IL1RAPL1: variants seen among roughly 807,000 people sequenced by gnomAD.
IL1RAPL1 encodes the protein interleukin-1 receptor accessory protein-like 1.
In IL1RAPL1, 3 loss-of-function variants were observed where a neutral mutation model predicts 48.4. That is an observed-to-expected ratio of 0.06 (90% CI 0.03 to 0.16). The LOEUF (loss-of-function observed/expected upper bound fraction) is 0.16. Among genes scored for constraint, IL1RAPL1 ranks in the 10% least tolerant of loss-of-function variants. IL1RAPL1 has a pLI of 1.00. For missense variants in IL1RAPL1, 349 were observed against 530.6 expected, an observed-to-expected ratio of 0.66 and a Z score of 3.36; for synonymous variants, 185 against 187.7, an observed-to-expected ratio of 0.99 and a Z score of 0.12.
chrX:29,668,314 C>T, intron 5 of IL1RAPL1, 116 bp from the exon 6 acceptor site: 1 of 613,886 alleles, frequency 1.6e-6, no homozygotes, highest in Non-Finnish European at 2.7e-6. Flanking sequence ...CTTGGTAGAG[C>T]ACTTTAACAC....
chrX:29,734,733 C>A (rs183833708), intron 6 of IL1RAPL1, among the ~76,000 whole-genome samples: 53 of 111,987 alleles, frequency 4.7e-4, no homozygotes, highest in African/African-American at 1.7e-3. Context: ...GGGGAAGCTA[C>A]CCCTCTCCTT....
chrX:28,677,427 A>G (rs1286656891), intron 1 of IL1RAPL1, among the ~76,000 whole-genome samples: 6 of 112,052 alleles, frequency 5.4e-5, no homozygotes, highest in Admixed American at 1.9e-4. Flanking sequence ...GTGTAGCAGC[A>G]TATTGAATTG....
At chrX:28,724,957 T>G (rs1008472145) in intron 1 of IL1RAPL1, among the ~76,000 whole-genome samples, 3 of 106,384 alleles carry the variant, frequency 2.8e-5, no homozygotes, top group African/African-American at 1.0e-4. Context: ...TTGTTTTTTT[T>G]TTTTTTTTTT....
At chrX:29,030,392 C>T (rs1309969218) in intron 2 of IL1RAPL1, among the ~76,000 whole-genome samples, 1 of 111,309 alleles carries the variant, frequency 9.0e-6, no homozygotes, top group Admixed American at 9.6e-5. Flanking sequence ...GTATGTATTT[C>T]TATTTATTTG....
chrX:29,368,246 C>A (rs760012802), intron 3 of IL1RAPL1, among the ~76,000 whole-genome samples: 1 of 112,239 alleles, frequency 8.9e-6, no homozygotes, highest in Non-Finnish European at 1.9e-5. Flanking sequence ...AGGTTATATG[C>A]AAAGACTGTG....
chrX:29,173,051 A>G (rs1569251869), intron 2 of IL1RAPL1, among the ~76,000 whole-genome samples: 1 of 111,433 alleles, frequency 9.0e-6, no homozygotes, highest in Non-Finnish European at 1.9e-5. Context: ...TTATTCCAGT[A>G]AAGTGGTGGT....
At chrX:28,606,859 A>C (rs1934089854) in intron 1 of IL1RAPL1, among the ~76,000 whole-genome samples, 1 of 111,446 alleles carries the variant, frequency 9.0e-6, no homozygotes, top group Non-Finnish European at 1.9e-5. Context: ...CATGTTTAAC[A>C]TTTTTGATTC....
At chrX:29,816,261 A>G (rs1930490988) in intron 6 of IL1RAPL1, among the ~76,000 whole-genome samples, 1 of 111,298 alleles carries the variant, frequency 9.0e-6, no homozygotes, top group South Asian at 3.7e-4. Context: ...ATCCCACAGA[A>G]ATACAAAAGA....
intron 2 of IL1RAPL1, among the ~76,000 whole-genome samples, chrX:28,941,097 T>A (rs1461483970): frequency 1.8e-5 from 2 of 111,199 alleles, no homozygotes; most frequent in African/African-American, 6.5e-5. Flanking sequence ...GTTTTAAGTA[T>A]AAAAAAATTT....
intron 5 of IL1RAPL1, among the ~76,000 whole-genome samples, chrX:29,505,395 G>A (rs749150178): frequency 9.1e-4 from 101 of 111,116 alleles, no homozygotes; most frequent in Non-Finnish European, 1.4e-3. Context: ...TTTTCAGATC[G>A]AAGAACTCTC....
rs575976281 is a variant in IL1RAPL1 at position 28,669,547 on chromosome X, G to A, written c.-25+81500G>A. ...GGCAGGAGAATCGCTTGAACCAGGA[G>A]GCAGAGGTTGCAGTGAACGGAGATT... On this transcript the variant is annotated intron_variant, in intron 1 of 10. Coordinates refer to ENST00000378993, the MANE Select transcript of IL1RAPL1 (RefSeq NM_014271.4). Among the ~76,000 whole-genome samples, 71 of 107,947 alleles carry A rather than the reference G, an allele frequency of 6.6e-4. 1 individual carries two copies. The highest frequency in any genetic ancestry group is 1.2e-3 in the Non-Finnish European group (64 of 52,392). The allele number at this position is 107,947 out of a possible 115,157, so 93.7% of individuals were successfully genotyped here.
intron 5 of IL1RAPL1, among the ~76,000 whole-genome samples, chrX:29,416,686 A>C: frequency 8.9e-6 from 1 of 112,237 alleles, no homozygotes; most frequent in Non-Finnish European, 1.9e-5. Context: ...GAGGATTTAC[A>C]AATTGTTTTT....
At chrX:29,027,953 T>TTA (rs1286730963) in intron 2 of IL1RAPL1, among the ~76,000 whole-genome samples, 2 of 109,292 alleles carry the variant, frequency 1.8e-5, no homozygotes, top group East Asian at 2.9e-4. Context: ...TGTGTGTATA[T>TTA]TATATATATA....
intron 5 of IL1RAPL1, among the ~76,000 whole-genome samples, chrX:29,663,406 C>T (rs933731246): frequency 3.6e-5 from 4 of 112,161 alleles, no homozygotes; most frequent in African/African-American, 1.3e-4. Flanking sequence ...GTATAGCACT[C>T]GCCACAGTGC....
At chrX:29,876,574 T>C (rs1931909138) in intron 6 of IL1RAPL1, among the ~76,000 whole-genome samples, 2 of 111,384 alleles carry the variant, frequency 1.8e-5, no homozygotes, top group South Asian at 7.7e-4. Context: ...ACTCCTGATT[T>C]GTGAACCAGA....
chrX:29,797,859 C>T (rs934313422), intron 6 of IL1RAPL1, among the ~76,000 whole-genome samples: 4 of 111,158 alleles, frequency 3.6e-5, no homozygotes, highest in Admixed American at 9.5e-5. Flanking sequence ...GGCAACACAG[C>T]GAGACTCCAT....
At chrX:29,110,363 G>C (rs1338959291) in intron 2 of IL1RAPL1, among the ~76,000 whole-genome samples, 1 of 111,712 alleles carries the variant, frequency 9.0e-6, no homozygotes. Context: ...GCTGCCAATG[G>C]TCTGGAATTT....
Position 28,645,382 on chromosome X carries a change from AAG to A in IL1RAPL1, c.-25+57342_-25+57343del, listed in dbSNP as rs988888536. On this transcript the variant is annotated intron_variant, in intron 1 of 10. Coordinates refer to ENST00000378993, the MANE Select transcript of IL1RAPL1 (RefSeq NM_014271.4). ...AAAAAAAAAAAAAAAAAGGAAAAGA[AAG>A]AGAGAGGGAGGTAGAAATGAAAGGG... Among the ~76,000 whole-genome samples the A allele has an allele frequency of 3.7e-5, 4 of 106,727 alleles. No homozygotes were observed. The East Asian group carries it at 1.2e-3, about 31-fold the overall frequency. The allele number at this position is 106,727 out of a possible 115,157, so 92.7% of individuals were successfully genotyped here.
chrX:29,075,478 A>T (rs2147443545), intron 2 of IL1RAPL1, among the ~76,000 whole-genome samples: 1 of 111,815 alleles, frequency 8.9e-6, no homozygotes, highest in Non-Finnish European at 1.9e-5. Context: ...CTGAAGGACT[A>T]CTTAATTGCC....
Sources: allele counts gnomAD v4.1 joint callset (sites outside exome capture counted in the v4.1 genomes callset), GRCh38; gene constraint gnomAD v4.1.1; transcripts MANE v1.5; gene names NCBI Gene and HGNC (gene_info 2026-07-23, HGNC 2026-07-21).